SPAG16: variants seen among roughly 807,000 people sequenced by gnomAD.
SPAG16 encodes sperm-associated antigen 16 protein.
In SPAG16, 86 loss-of-function variants were observed where a neutral mutation model predicts 80.4. The observed-to-expected ratio is 1.07, with a 90% CI of 0.90 to 1.28. SPAG16 has a LOEUF of 1.28. Ranked by LOEUF, SPAG16 falls within the 50% of genes most tolerant of loss-of-function variation. SPAG16 has a pLI of 0.00. For missense variants in SPAG16, 870 were observed against 765.3 expected, an observed-to-expected ratio of 1.14 and a Z score of -1.61; for synonymous variants, 294 against 265.9, an observed-to-expected ratio of 1.11 and a Z score of -1.03.
At chr2:214,162,884 T>A (rs2056499554) in intron 15 of SPAG16, among the ~76,000 whole-genome samples, 1 of 152,122 alleles carries the variant, frequency 6.6e-6, no homozygotes, top group Non-Finnish European at 1.5e-5. Flanking sequence ...ATTAAGTTCA[T>A]CTTCTATGCA....
chr2:214,099,067 GATTA>G (rs1437416536), intron 13 of SPAG16, among the ~76,000 whole-genome samples: 1 of 152,076 alleles, frequency 6.6e-6, no homozygotes, highest in Non-Finnish European at 1.5e-5. Flanking sequence ...ACTTGTCATT[GATTA>G]ATTAGATAGG....
At chr2:214,083,874 TTAAAC>T (rs1271569894) in intron 13 of SPAG16, among the ~76,000 whole-genome samples, 1 of 152,142 alleles carries the variant, frequency 6.6e-6, no homozygotes, top group Non-Finnish European at 1.5e-5. Flanking sequence ...TGTAATTCTT[TTAAAC>T]TAAGCTAGAC....
chr2:213,445,826 C>T (rs1397544641), intron 9 of SPAG16, among the ~76,000 whole-genome samples: 2 of 152,104 alleles, frequency 1.3e-5, no homozygotes, highest in African/African-American at 4.8e-5. Context: ...GGCAGAGAAA[C>T]TGGAATGCTT....
intron 10 of SPAG16, among the ~76,000 whole-genome samples, chr2:213,858,747 C>G (rs955951479): frequency 9.9e-5 from 15 of 152,078 alleles, no homozygotes; most frequent in African/African-American, 1.9e-4. Context: ...CTTCAAAAGA[C>G]TGATTCAGAG....
At chr2:213,587,587 A>G (rs2060516934) in intron 10 of SPAG16, among the ~76,000 whole-genome samples, 1 of 152,136 alleles carries the variant, frequency 6.6e-6, no homozygotes, top group Non-Finnish European at 1.5e-5. Context: ...GACTATTCAT[A>G]CCAATTTCTT....
chr2:214,139,012 T>A (rs2125528141), intron 14 of SPAG16, among the ~76,000 whole-genome samples: 1 of 152,248 alleles, frequency 6.6e-6, no homozygotes, highest in African/African-American at 2.4e-5. Flanking sequence ...AATAAAACAC[T>A]GTTTGAATTT....
chr2:213,553,293 G>A (rs1223732187), intron 10 of SPAG16, among the ~76,000 whole-genome samples: 3 of 152,072 alleles, frequency 2.0e-5, no homozygotes, highest in African/African-American at 7.2e-5. Context: ...GCAACCCAGT[G>A]GAGCAAAAAT....
At chr2:214,368,897 C>G (rs1441091731) in intron 15 of SPAG16, among the ~76,000 whole-genome samples, 1 of 152,002 alleles carries the variant, frequency 6.6e-6, no homozygotes. Context: ...TCTTTATCAC[C>G]TCTACTCTCT....
intron 15 of SPAG16, among the ~76,000 whole-genome samples, chr2:214,210,521 A>G (rs777688493): frequency 1.3e-5 from 2 of 152,084 alleles, no homozygotes; most frequent in African/African-American, 4.8e-5. Context: ...TGGATTTTCT[A>G]TTTCCTGGGG....
rs144594605 is a variant in SPAG16 at position 213,857,618 on chromosome 2, C to T, written c.1071-4867C>T. ...TAAAATTCACCTGGTCACTCAAGAA[C>T]TGTGATGAAGATGTACAAGGAGACA... On this transcript the variant is annotated intron_variant, in intron 10 of 15. Coordinates refer to ENST00000331683, the MANE Select transcript of SPAG16 (RefSeq NM_024532.5). Among the ~76,000 whole-genome samples the T allele has an allele frequency of 9.9e-4, 151 of 152,274 alleles. 2 individuals are homozygous for T. In the East Asian group the frequency reaches 0.024, roughly 25 times the overall value.
chr2:213,288,367 C>G (rs1471120717), intron 1 of SPAG16, among the ~76,000 whole-genome samples: 1 of 152,098 alleles, frequency 6.6e-6, no homozygotes, highest in Admixed American at 6.5e-5. Flanking sequence ...TGTAGTGGCA[C>G]GATCTCGGCT....
intron 1 of SPAG16, among the ~76,000 whole-genome samples, chr2:213,287,591 T>C (rs1184294062): frequency 1.3e-5 from 2 of 152,198 alleles, no homozygotes; most frequent in East Asian, 3.8e-4. Context: ...TTATTTCCTC[T>C]CTCTGGGCAT....
intron 10 of SPAG16, among the ~76,000 whole-genome samples, chr2:213,852,850 A>G (rs2074973872): frequency 6.6e-6 from 1 of 152,228 alleles, no homozygotes; most frequent in Non-Finnish European, 1.5e-5. Flanking sequence ...ATCATAGGCT[A>G]TAAACACATA....
chr2:214,175,264 A>T (rs2057034201), intron 15 of SPAG16, among the ~76,000 whole-genome samples: 1 of 145,940 alleles, frequency 6.9e-6, no homozygotes, highest in Admixed American at 6.9e-5. Flanking sequence ...TATATAAAGA[A>T]ATGTATATAT....
At chr2:213,855,136 AT>A (rs567536656) in intron 10 of SPAG16, among the ~76,000 whole-genome samples, 181 of 152,358 alleles carry the variant, frequency 1.2e-3, no homozygotes, top group African/African-American at 4.2e-3. Flanking sequence ...TTTTCAGAAA[AT>A]AGCAAGTGAC....
At chr2:214,153,306 C>T (rs1199457988) in intron 15 of SPAG16, among the ~76,000 whole-genome samples, 1 of 152,032 alleles carries the variant, frequency 6.6e-6, no homozygotes, top group Non-Finnish European at 1.5e-5. Context: ...CCCCTCAGCT[C>T]CTATCTCTGT....
In SPAG16 at chr2:213,591,690, T is replaced by C. The variant is rs1415025746; in HGVS notation, c.1070+101600T>C. Among the ~76,000 whole-genome samples, 3 of 152,112 alleles carry C rather than the reference T, an allele frequency of 2.0e-5. No homozygotes were observed. The East Asian group carries it at 5.8e-4, about 29-fold the overall frequency. ...CTCCAAATATAACAAGGAAAAATGA[T>C]AATTTATAGCCAAGGAACAGTGTGT... On this transcript the variant is annotated intron_variant, in intron 10 of 15. Transcript: ENST00000331683.
intron 13 of SPAG16, among the ~76,000 whole-genome samples, chr2:214,033,858 T>C (rs1042265942): frequency 2.0e-5 from 3 of 152,082 alleles, no homozygotes; most frequent in African/African-American, 4.8e-5. Flanking sequence ...TTAGAAAAAT[T>C]ATCCAATTCA....
intron 12 of SPAG16, among the ~76,000 whole-genome samples, chr2:214,005,818 A>G (rs984703861): frequency 1.3e-5 from 2 of 152,346 alleles, no homozygotes; most frequent in Admixed American, 6.5e-5. Flanking sequence ...ATTCTTGTGA[A>G]TTTTAAAAAT....
Sources: allele counts gnomAD v4.1 joint callset (sites outside exome capture counted in the v4.1 genomes callset), GRCh38; gene constraint gnomAD v4.1.1; transcripts MANE v1.5; gene names NCBI Gene and HGNC (gene_info 2026-07-23, HGNC 2026-07-21).